Variants in FGD5 observed in about 807,000 individuals in gnomAD.
FGD5 encodes FYVE, RhoGEF and PH domain containing 5.
FGD5 carries 28 observed loss-of-function variants against 133.4 expected under a neutral mutation model. The observed-to-expected ratio is 0.21, with a 90% confidence interval of 0.16 to 0.29. The LOEUF (loss-of-function observed/expected upper bound fraction) is 0.29. Among genes scored for constraint, FGD5 ranks in the 10% least tolerant of loss-of-function variants. The probability of loss-of-function intolerance (pLI) is 1.00; values close to 1 mark genes in which losing one functional copy is unlikely to be tolerated. For missense variants in FGD5, 1,858 were observed against 1,895.2 expected (o/e 0.98, Z 0.36); for synonymous variants, 810 against 776.5 (o/e 1.04, Z -0.72).
At chr3:14,908,254 A>G (rs1315437878) in intron 10 of FGD5, among the ~76,000 whole-genome samples, 3 of 152,226 alleles carry the variant, frequency 2.0e-5, no homozygotes, top group Non-Finnish European at 4.4e-5. Context: ...CAGGTGTCTC[A>G]TGGGACTGAG....
At chr3:14,933,048 C>T (rs1384792430) in intron 19 of FGD5, 83 bp from the exon 20 acceptor site, 2 of 1,444,372 alleles carry the variant, frequency 1.4e-6, no homozygotes, top group East Asian at 4.7e-5. Flanking sequence ...GAGGAATCTA[C>T]TAGTCCAGTC....
At chr3:14,859,151 A>G (rs984945306) in intron 1 of FGD5, among the ~76,000 whole-genome samples, 2 of 152,222 alleles carry the variant, frequency 1.3e-5, no homozygotes, top group African/African-American at 4.8e-5. Context: ...AATCCTATAC[A>G]TTTATGGGGT....
At chr3:14,829,498 C>T (rs114663130) in intron 1 of FGD5, among the ~76,000 whole-genome samples, 4 of 152,278 alleles carry the variant, frequency 2.6e-5, no homozygotes, top group African/African-American at 9.6e-5. Context: ...GAGTGGTGTT[C>T]TGCCACCAGG....
chr3:14,902,843 A>G (rs997495156), intron 9 of FGD5, among the ~76,000 whole-genome samples: 4 of 152,206 alleles, frequency 2.6e-5, no homozygotes, highest in Admixed American at 6.5e-5. Context: ...TCAGGCAGGG[A>G]TACATCTTCC....
In FGD5 at chr3:14,856,729, T is replaced by C. The variant is rs192086989; in HGVS notation, c.2526-7399T>C. Among the ~76,000 whole-genome samples, 470 of 152,340 alleles carry C rather than the reference T, an allele frequency of 3.1e-3. 2 individuals carry two copies. The highest frequency in any genetic ancestry group is 6.0e-3 in the Admixed American group (92 of 15,302). On this transcript the variant is annotated intron_variant, in intron 1 of 19. Coordinates refer to ENST00000285046, the MANE Select transcript of FGD5 (RefSeq NM_152536.4). ...TAGAAATGCTACGGATTTTTATATA[T>C]TGATTATGTATCCTGCAACTTTACT... is the stretch of plus-strand genomic sequence containing the variant.
intron 1 of FGD5, among the ~76,000 whole-genome samples, chr3:14,834,234 G>A (rs994963791): frequency 1.3e-5 from 2 of 152,136 alleles, no homozygotes; most frequent in African/African-American, 4.8e-5. Flanking sequence ...TATTATGGGA[G>A]AATGCATTCT....
intron 18 of FGD5, among the ~76,000 whole-genome samples, chr3:14,928,609 G>A (rs1451399449): frequency 2.0e-5 from 3 of 152,088 alleles, no homozygotes; most frequent in Non-Finnish European, 4.4e-5. Flanking sequence ...GCCAGGGATG[G>A]TGGCACGCAC....
At chr3:14,857,969 A>G (rs2037317925) in intron 1 of FGD5, among the ~76,000 whole-genome samples, 1 of 152,050 alleles carries the variant, frequency 6.6e-6, no homozygotes, top group African/African-American at 2.4e-5. Flanking sequence ...AGATTAAGAA[A>G]CTTGCTTGAA....
chr3:14,813,790 C>G (rs1045510836), intron 1 of FGD5, among the ~76,000 whole-genome samples: 4 of 152,212 alleles, frequency 2.6e-5, no homozygotes, highest in African/African-American at 9.7e-5. Context: ...GTGCTCCTGG[C>G]TCCCCATCCA....
intron 12 of FGD5, 87 bp from the exon 13 acceptor site, chr3:14,918,667 C>A (rs1416387309): frequency 2.3e-6 from 3 of 1,331,538 alleles, no homozygotes; most frequent in Admixed American, 3.5e-5. Flanking sequence ...TGGACATGGT[C>A]CCTCTGTTCA....
rs576530848 is a variant in FGD5, at chr3:14,864,081, A to G, written c.2526-47A>G. 80 of 1,593,470 alleles carry G rather than the reference A, an allele frequency of 5.0e-5. No homozygotes were observed. The Middle Eastern group carries it at 8.4e-4, about 17-fold the overall frequency. On this transcript the variant is annotated intron_variant, in intron 1 of 19. Coordinates refer to ENST00000285046, the MANE Select transcript of FGD5 (RefSeq NM_152536.4). ...GACCCCTGGTAGGTTCACTTTGCCTATGCTAAACAAAAAGCTTTAACCCTT... is the reference window on the plus strand; with the variant it reads ...GACCCCTGGTAGGTTCACTTTGCCTGTGCTAAACAAAAAGCTTTAACCCTT...
At chr3:14,862,667 G>T (rs1385279734) in intron 1 of FGD5, among the ~76,000 whole-genome samples, 5 of 152,212 alleles carry the variant, frequency 3.3e-5, no homozygotes, top group South Asian at 2.1e-4. Context: ...TGAAAAGGAA[G>T]AAGAAAGAGG....
At position 14,821,011 on chromosome 3, in the gene FGD5, A is replaced by T; in HGVS notation, c.1940A>T (p.Lys647Met). 1 of 1,613,678 alleles carries T rather than the reference A, an allele frequency of 6.2e-7. No homozygotes were observed. The highest frequency in any genetic ancestry group is 8.5e-7 in the Non-Finnish European group (1 of 1,179,658). Residue 647 changes from lysine to methionine, a missense_variant, in exon 1 of 20, where the codon AAG becomes ATG. Coordinates refer to ENST00000285046, the MANE Select transcript of FGD5 (RefSeq NM_152536.4). ...GAGAGCGACTCCCCGGACAAGTACA[A>T]GAAGAAGAAGTCATCCTTTAAGCGC... Reference protein sequence around the residue: ...LIESDSPDKYKKKKSSFKRFL... With the variant: ...LIESDSPDKYMKKKSSFKRFL...
chr3:14,923,983 T>G (rs1317289551), intron 16 of FGD5, 25 bp from the exon 17 acceptor site: 6 of 1,613,636 alleles, frequency 3.7e-6, no homozygotes, highest in Non-Finnish European at 4.2e-6. Context: ...TCACCTCCCT[T>G]CCATGTGGCT....
chr3:14,902,199 T>G (rs943482696), intron 9 of FGD5, among the ~76,000 whole-genome samples: 1 of 151,644 alleles, frequency 6.6e-6, no homozygotes, highest in Non-Finnish European at 1.5e-5. Context: ...AGAGAATCGC[T>G]TGAACCTGGG....
chr3:14,923,798 G>C (rs1451477056), intron 16 of FGD5, among the ~76,000 whole-genome samples: 2 of 152,184 alleles, frequency 1.3e-5, no homozygotes, highest in African/African-American at 4.8e-5. Context: ...GTGAAGGGCT[G>C]TCCAGCGCCC....
chr3:14,909,305 C>T (rs902612948), intron 10 of FGD5, among the ~76,000 whole-genome samples: 9 of 152,178 alleles, frequency 5.9e-5, no homozygotes, highest in African/African-American at 2.2e-4. Flanking sequence ...CAACAGAATA[C>T]TTCATAGGCC....
chr3:14,911,022 G>C, intron 11 of FGD5, 93 bp downstream of exon 11: 1 of 1,240,200 alleles, frequency 8.1e-7, no homozygotes. Context: ...AATAGGGTGA[G>C]AGGAGAGTAG....
Position 14,926,147 on chromosome 3 carries a change from G to A in FGD5, c.4146G>A (p.Lys1382=), listed in dbSNP as rs777680897. Residue 1382 remains lysine, a synonymous_variant, in exon 18 of 20, where the codon AAG becomes AAA. Transcript: ENST00000285046. ...RCKRGKRHWK[K]LWFVIKGKVL... is the part of the protein sequence containing the mutation. ...AGAGGGGCAAGCGGCACTGGAAGAAGCTCTGGTTTGTCATCAAAGGCAAAG... is the reference window on the plus strand; with the variant it reads ...AGAGGGGCAAGCGGCACTGGAAGAAACTCTGGTTTGTCATCAAAGGCAAAG... 4 of 1,613,940 alleles carry A rather than the reference G, an allele frequency of 2.5e-6. No individual in the cohort carries two copies. In the Admixed American group the frequency reaches 5.0e-5, roughly 20 times the overall value.
Sources: gnomAD v4.1 joint callset for allele counts (sites outside exome capture counted in the v4.1 genomes callset) on GRCh38, gnomAD v4.1.1 for gene constraint, MANE v1.5 for transcripts, NCBI Gene and HGNC (gene_info 2026-07-23, HGNC 2026-07-21) for gene names.